SH3RF2: variants seen among roughly 807,000 people sequenced by gnomAD.
The protein encoded by SH3RF2 is SH3 domain containing ring finger 2.
A neutral mutation model predicts 59.0 loss-of-function variants in SH3RF2; 43 were observed. The observed-to-expected ratio is 0.73, with a 90% confidence interval of 0.57 to 0.94. The LOEUF is 0.94. SH3RF2 is among the 40% of genes least tolerant of loss of function. The pLI is 0.00. For missense variants in SH3RF2, 930 were observed against 940.1 expected (o/e 0.99, Z 0.14); for synonymous variants, 391 against 391.5 (o/e 1.00, Z 0.01).
At chr5:145,957,518 C>T (rs1236534293) in intron 2 of SH3RF2, among the ~76,000 whole-genome samples, 1 of 152,156 alleles carries the variant, frequency 6.6e-6, no homozygotes, top group East Asian at 1.9e-4. Context: ...GCATGCTAAG[C>T]ACTTCTGTTT....
chr5:145,944,072 G>A (rs1757921115), intron 2 of SH3RF2, among the ~76,000 whole-genome samples: 1 of 152,136 alleles, frequency 6.6e-6, no homozygotes, highest in Non-Finnish European at 1.5e-5. Context: ...GCTGGGACCA[G>A]CTCAGATATA....
intron 2 of SH3RF2, among the ~76,000 whole-genome samples, chr5:145,940,755 G>T (rs1049474998): frequency 1.3e-5 from 2 of 152,168 alleles, no homozygotes; most frequent in African/African-American, 2.4e-5. Flanking sequence ...TGTTTGCTGG[G>T]TCTCAATTTA....
intron 5 of SH3RF2, among the ~76,000 whole-genome samples, chr5:146,033,345 A>T (rs1371618879): frequency 6.7e-6 from 1 of 149,518 alleles, no homozygotes; most frequent in Non-Finnish European, 1.5e-5. Context: ...ACATTGTCTT[A>T]CCTAGGAGCA....
intron 2 of SH3RF2, among the ~76,000 whole-genome samples, chr5:145,984,294 A>G (rs1759617317): frequency 6.6e-6 from 1 of 152,164 alleles, no homozygotes; most frequent in Non-Finnish European, 1.5e-5. Context: ...AGCAGTTGCA[A>G]CACAGGGTGA....
chr5:146,050,811 G>T (rs776929633), intron 7 of SH3RF2, among the ~76,000 whole-genome samples: 11 of 152,190 alleles, frequency 7.2e-5, no homozygotes, highest in Non-Finnish European at 1.0e-4. Flanking sequence ...AGAATTTTTG[G>T]GGGTGGTTAC....
At chr5:145,993,129 G>A (rs558021415) in intron 2 of SH3RF2, among the ~76,000 whole-genome samples, 61 of 152,176 alleles carry the variant, frequency 4.0e-4, no homozygotes, top group Admixed American at 1.9e-3. Context: ...AATCAAGTGG[G>A]GCAGTCAAAT....
At chr5:146,051,772 T>C (rs1762506284) in intron 7 of SH3RF2, among the ~76,000 whole-genome samples, 2 of 152,156 alleles carry the variant, frequency 1.3e-5, no homozygotes, top group Admixed American at 1.3e-4. Flanking sequence ...GAGTTTAGCA[T>C]TTAAGAGAGA....
chr5:146,044,335 G>C (rs1172153888), intron 5 of SH3RF2, among the ~76,000 whole-genome samples: 1 of 152,038 alleles, frequency 6.6e-6, no homozygotes, highest in Non-Finnish European at 1.5e-5. Flanking sequence ...ATGTTTAGTA[G>C]AGACAGGGTT....
chr5:145,964,798 G>A (rs1989334714), intron 2 of SH3RF2, among the ~76,000 whole-genome samples: 1 of 152,128 alleles, frequency 6.6e-6, no homozygotes, highest in Non-Finnish European at 1.5e-5. Flanking sequence ...GCACGCTCCA[G>A]CAGAAAATCA....
chr5:145,964,728 T>C (rs926721712), intron 2 of SH3RF2, among the ~76,000 whole-genome samples: 2 of 152,196 alleles, frequency 1.3e-5, no homozygotes, highest in African/African-American at 2.4e-5. Context: ...TTGCCCTGTG[T>C]CCATTTTGAC....
chr5:146,010,759 A>T (rs570460909), intron 4 of SH3RF2, among the ~76,000 whole-genome samples: 3 of 152,090 alleles, frequency 2.0e-5, no homozygotes, highest in East Asian at 3.9e-4. Flanking sequence ...GTTTGAGTTC[A>T]TTGTAGATTC....
chr5:145,943,162 A>G (rs1378689499), intron 2 of SH3RF2, among the ~76,000 whole-genome samples: 1 of 151,988 alleles, frequency 6.6e-6, no homozygotes, highest in Non-Finnish European at 1.5e-5. Context: ...AAAGAGTAAC[A>G]ATGGAAGAGA....
At chr5:145,983,421 A>G (rs1270132757) in intron 2 of SH3RF2, among the ~76,000 whole-genome samples, 1 of 152,174 alleles carries the variant, frequency 6.6e-6, no homozygotes, top group African/African-American at 2.4e-5. Flanking sequence ...TTATTTTCAA[A>G]AGAGTGACCA....
intron 2 of SH3RF2, among the ~76,000 whole-genome samples, chr5:145,982,318 G>A (rs2149970091): frequency 6.6e-6 from 1 of 152,290 alleles, no homozygotes; most frequent in South Asian, 2.1e-4. Flanking sequence ...GCTTCTTCCT[G>A]ACTATGTCTT....
chr5:146,080,048 C>T (rs1263072943), exon 10 of SH3RF2: 1 of 152,176 alleles, frequency 6.6e-6, no homozygotes, highest in Non-Finnish European at 1.5e-5. Flanking sequence ...TTCGAACCTG[C>T]TTGGCCGATA....
At chr5:146,051,886 T>G (rs1363646886) in intron 7 of SH3RF2, among the ~76,000 whole-genome samples, 1 of 152,142 alleles carries the variant, frequency 6.6e-6, no homozygotes, top group Non-Finnish European at 1.5e-5. Flanking sequence ...GCTGAAATCT[T>G]CAAGGAGTGA....
At chr5:145,962,656 C>T (rs571138086) in intron 2 of SH3RF2, among the ~76,000 whole-genome samples, 2 of 152,124 alleles carry the variant, frequency 1.3e-5, no homozygotes, top group African/African-American at 2.4e-5. Context: ...ATGGTTTTGC[C>T]TTAGGCCGTC....
At chr5:145,947,954 GATTT>G (rs1323006816) in intron 2 of SH3RF2, among the ~76,000 whole-genome samples, 3 of 152,088 alleles carry the variant, frequency 2.0e-5, no homozygotes, top group Non-Finnish European at 4.4e-5. Context: ...GTTATTTTAA[GATTT>G]ATTAACTGCA....
In SH3RF2 at chr5:146,035,524, G is replaced by A. The variant is rs1047333556; in HGVS notation, c.1060-12248G>A. On this transcript the variant is annotated intron_variant, in intron 5 of 9. Coordinates refer to ENST00000359120, the MANE Select transcript of SH3RF2 (RefSeq NM_152550.4). Reference sequence around the variant, plus strand: ...TTAAATAACTTGCCCAGGGTTACACGGTCGGTGAAAGCATAGCAAAGTGGG... The same window carrying A: ...TTAAATAACTTGCCCAGGGTTACACAGTCGGTGAAAGCATAGCAAAGTGGG... Among the ~76,000 whole-genome samples the A allele has an allele frequency of 7.9e-5, 12 of 152,202 alleles. No individual in the cohort carries two copies. The East Asian group carries it at 1.4e-3, about 17-fold the overall frequency.
Sources: allele counts gnomAD v4.1 joint callset (sites outside exome capture counted in the v4.1 genomes callset), GRCh38; gene constraint gnomAD v4.1.1; transcripts MANE v1.5; gene names NCBI Gene and HGNC (gene_info 2026-07-23, HGNC 2026-07-21).